The following CHODL variants were observed in gnomAD, a reference collection of about 807,000 sequenced individuals.
The protein encoded by CHODL is chondrolectin.
A neutral mutation model predicts 34.5 loss-of-function variants in CHODL; 29 were observed. The observed-to-expected ratio is 0.84, with a 90% confidence interval of 0.63 to 1.15. The LOEUF (loss-of-function observed/expected upper bound fraction) is 1.15, where lower values mean the gene tolerates loss of function less well. Among genes scored for constraint, CHODL ranks in the 50% most tolerant of loss-of-function variants. CHODL has a pLI of 0.00. For missense variants in CHODL, 332 were observed against 332.5 expected (o/e 1.00, Z 0.01); for synonymous variants, 125 against 116.1 (o/e 1.08, Z -0.49).
intron 2 of CHODL, among the ~76,000 whole-genome samples, chr21:18,185,978 C>A (rs902840736): frequency 6.6e-6 from 1 of 152,122 alleles, no homozygotes; most frequent in African/African-American, 2.4e-5. Context: ...TAGGTTTTAA[C>A]ATATGAATTT....
rs1023531591 is a variant in CHODL at position 17,997,013 on chromosome 21, T to TA, written c.-144-30851dup. On this transcript the variant is annotated intron_variant, in intron 1 of 6. Transcript: ENST00000400127. ...AGAAACATACATTTTATTCTGATTT[T>TA]AAAAAAAACATGAAAAATCACTTTT... Among the ~76,000 whole-genome samples the TA allele has an allele frequency of 6.8e-4, 104 of 152,082 alleles. 2 individuals are homozygous for TA. Among genetic ancestry groups the TA allele is most frequent in the African/African-American group, 1.4e-3 (59 of 41,504 alleles).
rs2074398769 is a variant in CHODL at position 18,262,807 on chromosome 21, A to G, written c.651A>G (p.Leu217=). 2 of 1,593,052 alleles carry G rather than the reference A, an allele frequency of 1.3e-6. No individual in the cohort carries two copies. The highest frequency in any genetic ancestry group is 2.2e-5 in the South Asian group (2 of 90,474). Residue 217 remains leucine, a synonymous_variant, in exon 5 of 6, where the codon CTA becomes CTG. Coordinates refer to ENST00000299295, the MANE Select transcript of CHODL (RefSeq NM_024944.3). ...VVTEAGIIPN[L]IYVVIPTIPL... is the part of the protein sequence containing the mutation. ...ATTTTGTAGGTATAATTCCCAATCTAATTTATGTTGTTATACCAACAATAC... is the reference window on the plus strand; with the variant it reads ...ATTTTGTAGGTATAATTCCCAATCTGATTTATGTTGTTATACCAACAATAC...
At chr21:18,089,646 A>G (rs1257770706) in intron 2 of CHODL, among the ~76,000 whole-genome samples, 1 of 152,190 alleles carries the variant, frequency 6.6e-6, no homozygotes, top group Non-Finnish European at 1.5e-5. Flanking sequence ...ATATGGAATA[A>G]TTTTTACTTT....
chr21:17,975,971 AAG>A (rs1418681645), intron 1 of CHODL, among the ~76,000 whole-genome samples: 18 of 152,210 alleles, frequency 1.2e-4, no homozygotes, highest in African/African-American at 4.1e-4. Context: ...ATTTAATATA[AAG>A]AGTTATAGTT....
intron 1 of CHODL, among the ~76,000 whole-genome samples, chr21:17,966,891 CT>C (rs71830028): frequency 0.052 from 7,494 of 144,526 alleles, 288 homozygotes; most frequent in African/African-American, 0.11. Context: ...TTTTCCTGAG[CT>C]TTTTTTTTTT....
chr21:17,943,147 G>T (rs2063379292), intron 1 of CHODL, among the ~76,000 whole-genome samples: 2 of 152,202 alleles, frequency 1.3e-5, no homozygotes, highest in Non-Finnish European at 2.9e-5. Flanking sequence ...GACTAATATA[G>T]AAGATTTGAT....
chr21:18,021,378 C>T (rs915028663), intron 1 of CHODL, among the ~76,000 whole-genome samples: 2 of 152,164 alleles, frequency 1.3e-5, no homozygotes, highest in African/African-American at 4.8e-5. Flanking sequence ...AGCTTTACTG[C>T]CCCCATACTC....
intron 2 of CHODL, among the ~76,000 whole-genome samples, chr21:18,106,471 CTTTCTTT>C (rs1399357321): frequency 5.3e-5 from 8 of 149,556 alleles, no homozygotes; most frequent in Admixed American, 2.0e-4. Flanking sequence ...GTTACTAGAT[CTTTCTTT>C]TTTCTTTTTT....
rs11910312 is a variant in CHODL at position 17,931,138 on chromosome 21, C to G, written c.-145+13738C>G. ...CACCAGGAGCTCCCTCAGTCACTCC[C>G]GTCAGAGCTGGTGCCTGTGCTCCTC... is the stretch of plus-strand genomic sequence containing the variant. On this transcript the variant is annotated intron_variant, in intron 1 of 6. Coordinates refer to the CHODL transcript ENST00000400127. Among the ~76,000 whole-genome samples the G allele has an allele frequency of 2.8e-3, 424 of 152,270 alleles. 3 individuals carry two copies. The highest frequency in any genetic ancestry group is 9.5e-3 in the African/African-American group (394 of 41,542).
intron 2 of CHODL, among the ~76,000 whole-genome samples, chr21:18,038,428 A>G (rs2064336290): frequency 6.6e-6 from 1 of 151,760 alleles, no homozygotes. Context: ...GATTTTTTAC[A>G]CAATTTGACA....
At chr21:18,228,181 C>G (rs575840794) in intron 2 of CHODL, among the ~76,000 whole-genome samples, 1 of 152,158 alleles carries the variant, frequency 6.6e-6, no homozygotes, top group Non-Finnish European at 1.5e-5. Context: ...TGATAGCTTA[C>G]TCATTGCTGC....
chr21:18,139,532 A>G (rs920578535), intron 2 of CHODL, among the ~76,000 whole-genome samples: 34 of 152,074 alleles, frequency 2.2e-4, no homozygotes, highest in African/African-American at 8.0e-4. Flanking sequence ...GGGCTATGTA[A>G]CCATTAATGG....
intron 2 of CHODL, among the ~76,000 whole-genome samples, chr21:18,146,452 T>C (rs2146619352): frequency 6.6e-6 from 1 of 152,172 alleles, no homozygotes; most frequent in East Asian, 1.9e-4. Flanking sequence ...CCCATGCTGT[T>C]CTCATGAGAA....
At chr21:17,948,106 C>G (rs76804660) in intron 1 of CHODL, among the ~76,000 whole-genome samples, 1,699 of 152,066 alleles carry the variant, frequency 0.011, 22 homozygotes, top group South Asian at 0.022. Flanking sequence ...TAAGGGTAGA[C>G]ACAGACATAC....
At chr21:18,237,051 C>A (rs1049637536) in intron 2 of CHODL, among the ~76,000 whole-genome samples, 1 of 151,968 alleles carries the variant, frequency 6.6e-6, no homozygotes, top group African/African-American at 2.4e-5. Context: ...TTTAAAAAAT[C>A]AGAGCAAGAA....
At chr21:17,984,713 A>G (rs1342969365) in intron 1 of CHODL, among the ~76,000 whole-genome samples, 1 of 152,010 alleles carries the variant, frequency 6.6e-6, no homozygotes, top group Admixed American at 6.5e-5. Context: ...CCCAGCATAA[A>G]TTTGTATCAG....
chr21:18,211,655 T>C (rs979055415), intron 2 of CHODL, among the ~76,000 whole-genome samples: 1 of 152,198 alleles, frequency 6.6e-6, no homozygotes, highest in Non-Finnish European at 1.5e-5. Flanking sequence ...CTTTACTTTT[T>C]TTCCCCCACT....
intron 3 of CHODL, 133 bp from the exon 4 acceptor site, chr21:18,260,067 A>G: frequency 3.4e-6 from 1 of 292,970 alleles, no homozygotes; most frequent in Non-Finnish European, 6.1e-6. Flanking sequence ...TTCAGAATGT[A>G]TTTTATTAGC....
chr21:18,190,152 A>G (rs1428344436), intron 2 of CHODL, among the ~76,000 whole-genome samples: 4 of 152,082 alleles, frequency 2.6e-5, no homozygotes, highest in African/African-American at 9.7e-5. Flanking sequence ...ACATTTTGTT[A>G]ACTTCTGTAT....
Sources: gnomAD v4.1 joint callset for allele counts (sites outside exome capture counted in the v4.1 genomes callset) on GRCh38, gnomAD v4.1.1 for gene constraint, MANE v1.5 for transcripts, NCBI Gene and HGNC (gene_info 2026-07-23, HGNC 2026-07-21) for gene names.